The following LRRC40 variants were observed in gnomAD, a reference collection of about 807,000 sequenced individuals.
LRRC40 encodes leucine-rich repeat-containing protein 40.
In LRRC40, 76 loss-of-function variants were observed where a neutral mutation model predicts 72.8. That is an observed-to-expected ratio of 1.04 (90% CI 0.87 to 1.26). The LOEUF (loss-of-function observed/expected upper bound fraction) is 1.26, where lower values mean the gene tolerates loss of function less well. LRRC40 is among the 50% of genes most tolerant of loss of function. The probability of loss-of-function intolerance (pLI) is 0.00; values close to 1 mark genes in which losing one functional copy is unlikely to be tolerated. For synonymous variants in LRRC40, 243 were observed against 254.2 expected (o/e 0.96, Z 0.42); for missense variants, 684 against 698.9 (o/e 0.98, Z 0.24).
At chr1:70,196,227 A>T (rs182829785) in intron 1 of LRRC40, among the ~76,000 whole-genome samples, 166 of 152,342 alleles carry the variant, frequency 1.1e-3, no homozygotes, top group Non-Finnish European at 1.7e-3. Context: ...ATTGAATTGT[A>T]TACACAAATG....
Position 70,191,267 on chromosome 1 carries a change from T to C in LRRC40, c.152-1994A>G, listed in dbSNP as rs146112635. Among the ~76,000 whole-genome samples, 1,024 of 152,222 alleles carry C rather than the reference T, an allele frequency of 6.7e-3. 9 individuals carry two copies. Among genetic ancestry groups the C allele is most frequent in the African/African-American group, 0.023 (972 of 41,546 alleles). On this transcript the variant is annotated intron_variant, in intron 1 of 14. Transcript: ENST00000370952. Reference sequence around the variant, plus strand: ...AGATGCACCATTCTACTCCTAAAGATGAGACATAGAACATTTGTGCATGCA... The same window carrying C: ...AGATGCACCATTCTACTCCTAAAGACGAGACATAGAACATTTGTGCATGCA...
In LRRC40 at chr1:70,187,315, G is replaced by A. The variant is rs772454671; in HGVS notation, c.357C>T (p.Ser119=). 4 of 1,579,166 alleles carry A rather than the reference G, an allele frequency of 2.5e-6. No individual in the cohort carries two copies. The highest frequency in any genetic ancestry group is 3.5e-6 in the Non-Finnish European group (4 of 1,153,132). ...VLDIHDNQLT[S]LPSAIRELEN... is the part of the protein sequence containing the mutation. ...CTAGCTCTCTTATAGCAGAAGGAAGGGATGTCAACTGATTATCATGTATCT... is the reference window on the plus strand; with the variant it reads ...CTAGCTCTCTTATAGCAGAAGGAAGAGATGTCAACTGATTATCATGTATCT... The change falls in exon 3 of 15, where the codon TCC becomes TCT. Residue 119 remains serine, a synonymous_variant. Transcript: ENST00000370952.
chr1:70,178,975 C>T lies in LRRC40; in HGVS notation c.680G>A (p.Cys227Tyr), dbSNP rs1263382843. Residue 227 changes from cysteine to tyrosine, a missense_variant, in exon 6 of 15, where the codon TGT becomes TAT. Physicochemically the swap from Cys to Tyr is radical, Grantham distance 194. Transcript: ENST00000370952. ...TATAGTTTCCAAGAGATTTGAATTA[C>T]AATCCAAATGCTTCAACCCTGTAAT... ...NRMKRLKHLD[C>Y]NSNLLETIPP... The T allele has an allele frequency of 1.3e-6, 2 of 1,596,464 alleles. No individual in the cohort carries two copies. The highest frequency in any genetic ancestry group is 4.5e-5 in the East Asian group (2 of 44,534).
intron 9 of LRRC40, among the ~76,000 whole-genome samples, chr1:70,170,238 G>A (rs982665559): frequency 6.6e-6 from 1 of 152,106 alleles, no homozygotes; most frequent in African/African-American, 2.4e-5. Context: ...ACCAGAAAGA[G>A]AAGGGAAATT....
chr1:70,174,468 G>C (rs190153063), intron 7 of LRRC40, among the ~76,000 whole-genome samples: 1 of 152,004 alleles, frequency 6.6e-6, no homozygotes, highest in Non-Finnish European at 1.5e-5. Context: ...TGAAAATAAT[G>C]TCCACACAGA....
chr1:70,172,652 T>G (rs951893557), intron 9 of LRRC40, among the ~76,000 whole-genome samples: 15 of 152,152 alleles, frequency 9.9e-5, no homozygotes, highest in Non-Finnish European at 2.1e-4. Flanking sequence ...AGGAAACACT[T>G]TCCTTGGTAG....
chr1:70,152,506 G>A lies in LRRC40; in HGVS notation c.1366C>T (p.Leu456Phe), dbSNP rs1176017672. The A allele has an allele frequency of 1.6e-5, 25 of 1,607,082 alleles. No individual in the cohort carries two copies. Among genetic ancestry groups the A allele is most frequent in the Non-Finnish European group, 2.0e-5 (24 of 1,174,408 alleles). Reference sequence around the variant, plus strand: ...ATAAAGGAAAGTTTATTAAAACTGAGATCGACATCAGAAACCATTTCCTTC... The same window carrying A: ...ATAAAGGAAAGTTTATTAAAACTGAAATCGACATCAGAAACCATTTCCTTC... ...ELKEMVSDVD[L>F]SFNKLSFISL... Residue 456 changes from leucine (L) to phenylalanine (F), a missense_variant, in exon 12 of 15, where the codon CTC becomes TTC. Physicochemically the swap from Leu to Phe is conservative, Grantham distance 22 (BLOSUM62 0). Transcript: ENST00000370952.
At chr1:70,158,840 GTCAAAGAACTTTATTA>G (rs1325056696) in intron 10 of LRRC40, among the ~76,000 whole-genome samples, 1 of 151,924 alleles carries the variant, frequency 6.6e-6, no homozygotes, top group Non-Finnish European at 1.5e-5. Context: ...TGATTACTGA[GTCAAAGAACTTTATTA>G]TCAATACTGT....
intron 4 of LRRC40, 61 bp downstream of exon 4, chr1:70,184,724 C>T (rs1457534935): frequency 2.0e-6 from 3 of 1,465,904 alleles, no homozygotes; most frequent in Non-Finnish European, 2.8e-6. Context: ...CTTAATTTCT[C>T]AGCCTGATGA....
At position 70,161,316 on chromosome 1, in the gene LRRC40, T is replaced by C. The variant is rs1340597754; in HGVS notation, c.1112-1878A>G. ...AGCCAGGATGATCTCGATCTCCTGA[T>C]CTCGTGATCCGCCTGCCTTGGCCTC... On this transcript the variant is annotated intron_variant, in intron 9 of 14. Coordinates refer to ENST00000370952, the MANE Select transcript of LRRC40 (RefSeq NM_017768.5). Among the ~76,000 whole-genome samples the C allele has an allele frequency of 2.6e-5, 4 of 151,940 alleles. No homozygotes were observed. In the East Asian group the frequency reaches 7.8e-4, roughly 30 times the overall value.
At chr1:70,147,734 C>T (rs1378835549) in intron 14 of LRRC40, among the ~76,000 whole-genome samples, 1 of 152,118 alleles carries the variant, frequency 6.6e-6, no homozygotes, top group Non-Finnish European at 1.5e-5. Context: ...AGTGTTGCTC[C>T]AGTGAAGTAA....
At chr1:70,178,287 T>C (rs540108303) in intron 6 of LRRC40, among the ~76,000 whole-genome samples, 87 of 152,322 alleles carry the variant, frequency 5.7e-4, no homozygotes, top group Non-Finnish European at 9.1e-4. Context: ...ACTATAATTA[T>C]CAGATGGAAA....
intron 4 of LRRC40, among the ~76,000 whole-genome samples, chr1:70,182,546 T>C (rs941103867): frequency 2.6e-5 from 4 of 151,796 alleles, no homozygotes; most frequent in African/African-American, 4.8e-5. Context: ...AAAACTTAAT[T>C]CAGAAATTGT....
intron 13 of LRRC40, among the ~76,000 whole-genome samples, chr1:70,149,446 T>A (rs187940655): frequency 6.6e-6 from 1 of 152,088 alleles, no homozygotes; most frequent in Non-Finnish European, 1.5e-5. Flanking sequence ...AGAGAAGCAA[T>A]AGCCAAGAGT....
chr1:70,171,368 A>G lies in LRRC40; in HGVS notation c.1111+2097T>C, dbSNP rs529894705. 2.6e-5 allele frequency among the ~76,000 whole-genome samples: 4 copies of G among 152,156 alleles called. No homozygotes were observed. In the South Asian group the frequency reaches 8.3e-4, roughly 32 times the overall value. On this transcript the variant is annotated intron_variant, in intron 9 of 14. Transcript: ENST00000370952. ...GGACTTGCTCAAAATTAAAACTTTT[A>G]TACTTCAAAGAACAACATCAAGAAA...
In LRRC40 at chr1:70,188,446, TAAC is replaced by T. The variant is rs1558125820; in HGVS notation, c.333+643_333+645del. 2.6e-5 allele frequency among the ~76,000 whole-genome samples: 4 copies of T among 152,248 alleles called. No individual in the cohort carries two copies. In the South Asian group the frequency reaches 6.2e-4, roughly 24 times the overall value. ...TCTAGAATAATAATGATAAAAATTG[TAAC>T]AATAGGCCAGGTGCAGTAGCTCACG... On this transcript the variant is annotated intron_variant, in intron 2 of 14. Transcript: ENST00000370952.
chr1:70,180,658 T>C (rs1035857189), intron 5 of LRRC40, among the ~76,000 whole-genome samples: 9 of 152,170 alleles, frequency 5.9e-5, no homozygotes, highest in African/African-American at 1.7e-4. Context: ...TTAAAAAAGA[T>C]TGACAACCTG....
In LRRC40 at chr1:70,178,855, A is replaced by G; in HGVS notation, c.800T>C (p.Leu267Ser). The change falls in exon 6 of 15, where the codon TTG becomes TCG. Residue 267 changes from leucine (L) to serine (S), a missense_variant. Coordinates refer to ENST00000370952, the MANE Select transcript of LRRC40 (RefSeq NM_017768.5). ...FLPEFPSCSLLKELHVGENQI... is the reference protein window; with the variant it reads ...FLPEFPSCSLSKELHVGENQI... ...TAATAATCAACTAAATAGTACCTTC[A>G]ATAGACTACAAGAAGGAAATTCTGG... The G allele has an allele frequency of 6.3e-7, 1 of 1,578,522 alleles. No homozygotes were observed. Among genetic ancestry groups the G allele is most frequent in the Non-Finnish European group, 8.7e-7 (1 of 1,155,818 alleles).
intron 4 of LRRC40, among the ~76,000 whole-genome samples, 160 bp from the exon 5 acceptor site, chr1:70,181,369 A>T (rs1409537349): frequency 6.6e-6 from 1 of 152,120 alleles, no homozygotes; most frequent in African/African-American, 2.4e-5. Flanking sequence ...AATTTCACAG[A>T]TCATCATTCA....
Sources: allele counts gnomAD v4.1 joint callset (sites outside exome capture counted in the v4.1 genomes callset), GRCh38; gene constraint gnomAD v4.1.1; transcripts MANE v1.5; gene names NCBI Gene and HGNC (gene_info 2026-07-23, HGNC 2026-07-21).